Variants in SERPINB12 observed in about 807,000 individuals in gnomAD.
SERPINB12 encodes serpin family B member 12.
A neutral mutation model predicts 41.1 loss-of-function variants in SERPINB12; 57 were observed. That is an observed-to-expected ratio of 1.39 (90% CI 1.12 to 1.73). The LOEUF is 1.73. Among genes scored for constraint, SERPINB12 ranks in the 40% most tolerant of loss-of-function variants. The pLI, the probability that SERPINB12 is intolerant of heterozygous loss-of-function variation, is 0.00. For synonymous variants in SERPINB12, 180 were observed against 181.3 expected (o/e 0.99, Z 0.06); for missense variants, 536 against 501.9 (o/e 1.07, Z -0.65).
the SERPINB12 span, among the ~76,000 whole-genome samples, chr18:63,526,254 A>G: frequency 1.3e-5 from 2 of 152,160 alleles, no homozygotes; most frequent in Non-Finnish European, 2.9e-5. Context: ...CACAAACAAC[A>G]TAAATACAGA....
upstream of SERPINB12, among the ~76,000 whole-genome samples, chr18:63,537,528 A>G (rs976633612): frequency 6.6e-6 from 1 of 152,160 alleles, no homozygotes; most frequent in Non-Finnish European, 1.5e-5. Context: ...TATTTGATTT[A>G]ATTCTACACC....
chr18:63,543,601 T>TA (rs112644755), intron 1 of SERPINB12, among the ~76,000 whole-genome samples: 104,515 of 151,442 alleles, frequency 0.69, 36,286 homozygotes, highest in Middle Eastern at 0.74. Flanking sequence ...TTTATTTATT[T>TA]TTTTTTTTAT....
At chr18:63,530,886 A>G in the SERPINB12 span, among the ~76,000 whole-genome samples, 1 of 152,232 alleles carries the variant, frequency 6.6e-6, no homozygotes, top group Non-Finnish European at 1.5e-5. Context: ...AACCATTCAG[A>G]AACTCAGTTT....
intron 4 of SERPINB12, 52 bp from the exon 5 acceptor site, chr18:63,561,033 G>T (rs1409737079): frequency 1.3e-5 from 15 of 1,175,914 alleles, no homozygotes; most frequent in Non-Finnish European, 1.9e-5. Flanking sequence ...CTAACTACGA[G>T]CATCACTGCC....
upstream of SERPINB12, among the ~76,000 whole-genome samples, chr18:63,541,628 T>G (rs1400210517): frequency 6.6e-6 from 1 of 151,950 alleles, no homozygotes; most frequent in Non-Finnish European, 1.5e-5. Context: ...ATCTAGTGAG[T>G]TTTGCAGGTG....
intron 2 of SERPINB12, among the ~76,000 whole-genome samples, chr18:63,557,148 A>T (rs994720882): frequency 9.9e-5 from 15 of 152,140 alleles, no homozygotes; most frequent in Non-Finnish European, 2.9e-5. Context: ...TACCTGTCAC[A>T]TTGGCCTCCT....
intron 1 of SERPINB12, among the ~76,000 whole-genome samples, chr18:63,553,889 G>A (rs1226501567): frequency 6.6e-6 from 1 of 152,076 alleles, no homozygotes; most frequent in African/African-American, 2.4e-5. Context: ...TGCAAAGGTA[G>A]CTTTCTGAGT....
the SERPINB12 span, among the ~76,000 whole-genome samples, chr18:63,528,843 A>C: frequency 6.6e-6 from 1 of 152,190 alleles, no homozygotes; most frequent in Non-Finnish European, 1.5e-5. Flanking sequence ...TTATAGTCTC[A>C]AGAGGGATGC....
chr18:63,554,744 T>C (rs1435664440), intron 1 of SERPINB12, among the ~76,000 whole-genome samples: 1 of 152,200 alleles, frequency 6.6e-6, no homozygotes, highest in East Asian at 1.9e-4. Context: ...TTCTACACTG[T>C]CAAAGAGGAC....
chr18:63,535,575 G>T, the SERPINB12 span, among the ~76,000 whole-genome samples: 4 of 152,136 alleles, frequency 2.6e-5, no homozygotes, highest in Non-Finnish European at 5.9e-5. Context: ...AGACAAAAAA[G>T]ATATGACAAC....
upstream of SERPINB12, among the ~76,000 whole-genome samples, chr18:63,538,189 T>A (rs566408511): frequency 6.6e-6 from 1 of 152,172 alleles, no homozygotes; most frequent in Non-Finnish European, 1.5e-5. Flanking sequence ...GAAAACTACT[T>A]TATTAAAATA....
At chr18:63,559,408 C>T (rs1444087071) in intron 3 of SERPINB12, among the ~76,000 whole-genome samples, 170 bp from the exon 4 acceptor site, 2 of 152,160 alleles carry the variant, frequency 1.3e-5, no homozygotes, top group East Asian at 1.9e-4. Context: ...ACTTCTCACC[C>T]TCCATTCCTC....
Position 63,567,029 on chromosome 18 carries a change from G to A in SERPINB12, c.*18G>A. On this transcript the variant is annotated 3_prime_UTR_variant, in exon 8 of 8. Coordinates refer to ENST00000382768, the MANE Select transcript of SERPINB12 (RefSeq NM_001307928.2). ...CTCCTTAAAAGGGGAGCAGTGTCTA[G>A]TACTTTGGAGCTGGAGGAAAATATC... 1 of 1,532,548 alleles carries A rather than the reference G, an allele frequency of 6.5e-7. No homozygotes were observed. Among genetic ancestry groups the A allele is most frequent in the Non-Finnish European group, 8.7e-7 (1 of 1,143,430 alleles). 94.9% of individuals were successfully genotyped at this position (1,532,548 alleles called of 1,614,324 possible).
chr18:63,555,249 A>G (rs754380765), intron 1 of SERPINB12, among the ~76,000 whole-genome samples: 5 of 152,144 alleles, frequency 3.3e-5, no homozygotes, highest in South Asian at 2.1e-4. Context: ...ATGTGGGATG[A>G]GTCAAAAGGG....
In SERPINB12 at chr18:63,567,077, A is replaced by T; in HGVS notation, c.*66A>T. Reference sequence around the variant, plus strand: ...ATCAATACAATCTTCCCCTGGCATAAGATGGGCATTTGAGTTTTTGGTAAT... The same window carrying T: ...ATCAATACAATCTTCCCCTGGCATATGATGGGCATTTGAGTTTTTGGTAAT... On this transcript the variant is annotated 3_prime_UTR_variant, in exon 8 of 8. Transcript: ENST00000382768. The T allele has an allele frequency of 6.8e-7, 1 of 1,473,188 alleles. No homozygotes were observed. Among genetic ancestry groups the T allele is most frequent in the Non-Finnish European group, 9.1e-7 (1 of 1,099,586 alleles). The allele number at this position is 1,473,188 out of a possible 1,614,324, so 91.3% of individuals were successfully genotyped here.
In SERPINB12 at chr18:63,558,460, A is replaced by T; in HGVS notation, c.277A>T (p.Lys93Ter). 1.9e-6 allele frequency: 3 copies of T among 1,613,562 alleles called. No individual in the cohort carries two copies. The highest frequency in any genetic ancestry group is 2.5e-6 in the Non-Finnish European group (3 of 1,179,766). ...LADSSLEGQKKTTEPLDQQAG... is the reference protein window; with the variant it reads ...LADSSLEGQK The stretch of plus-strand genomic sequence containing the variant: ...TGACAGCTCTCTGGAGGGGCAGAAA[A>T]AAACGACAGAGCCTCTGGATCAGCA... Residue 93 changes from lysine (K) to a stop codon, truncating the protein, a stop_gained, in exon 3 of 8, where the codon AAA becomes TAA. Coordinates refer to ENST00000382768, the MANE Select transcript of SERPINB12 (RefSeq NM_001307928.2). LOFTEE classifies it high-confidence loss of function.
At chr18:63,538,476 G>C (rs541827415), upstream of SERPINB12, among the ~76,000 whole-genome samples, 6 of 152,028 alleles carry the variant, frequency 3.9e-5, no homozygotes, top group Non-Finnish European at 7.4e-5. Flanking sequence ...CTTTCACTTA[G>C]CATAATGTTT....
upstream of SERPINB12, among the ~76,000 whole-genome samples, chr18:63,540,299 A>T (rs933136267): frequency 6.6e-6 from 1 of 152,218 alleles, no homozygotes; most frequent in African/African-American, 2.4e-5. Context: ...AGTACATTCC[A>T]TGCATTGCTG....
chr18:63,524,716 A>G, the SERPINB12 span, among the ~76,000 whole-genome samples: 5 of 150,334 alleles, frequency 3.3e-5, no homozygotes, highest in African/African-American at 7.3e-5. Flanking sequence ...ATTTTATTTT[A>G]GGACAAAAAA....
Sources: allele counts gnomAD v4.1 joint callset (sites outside exome capture counted in the v4.1 genomes callset), GRCh38; gene constraint gnomAD v4.1.1; transcripts MANE v1.5; gene names NCBI Gene and HGNC (gene_info 2026-07-23, HGNC 2026-07-21).